The following TSR1 variants were observed in gnomAD, a reference collection of about 807,000 sequenced individuals.
The protein encoded by TSR1 is pre-rRNA-processing protein TSR1 homolog.
A neutral mutation model predicts 90.9 loss-of-function variants in TSR1; 81 were observed. The observed-to-expected ratio is 0.89, with a 90% CI of 0.74 to 1.07. TSR1 has a LOEUF of 1.07. Ranked by LOEUF, TSR1 falls within the 50% of genes least tolerant of loss-of-function variation. The probability of loss-of-function intolerance (pLI) is 0.00; values close to 1 mark genes in which losing one functional copy is unlikely to be tolerated. For synonymous variants in TSR1, 362 were observed against 348.8 expected, an observed-to-expected ratio of 1.04 and a Z score of -0.42; for missense variants, 989 against 987.3, an observed-to-expected ratio of 1.00 and a Z score of -0.02.
Position 2,332,952 on chromosome 17 carries a change from T to C in TSR1, c.1305+9A>G. On this transcript the variant is annotated intron_variant, in intron 7 of 14. Transcript: ENST00000301364. Reference sequence around the variant, plus strand: ...GACACAGAATTGGCCTAAGGCCTCATTTCCTTACCTGAGATTCCTCCTCCA... The same window carrying C: ...GACACAGAATTGGCCTAAGGCCTCACTTCCTTACCTGAGATTCCTCCTCCA... 1.2e-6 allele frequency: 2 copies of C among 1,612,506 alleles called. No homozygotes were observed. The highest frequency in any genetic ancestry group is 1.7e-6 in the Non-Finnish European group (2 of 1,178,930).
rs2064078293 is a variant in TSR1, at chr17:2,336,263, T to A, written c.97+68A>T. The A allele has an allele frequency of 3.1e-6, 5 of 1,607,674 alleles. No individual in the cohort carries two copies. The East Asian group carries it at 1.1e-4, about 36-fold the overall frequency. On this transcript the variant is annotated intron_variant, in intron 1 of 14. Transcript: ENST00000301364. ...GCCCAGACGGGAGACAGAAGCTCAG[T>A]CTGGGCATGAGGAAAAAGAGTTAAT...
Position 2,324,362 on chromosome 17 carries a change from T to C in TSR1, c.2249A>G (p.His750Arg). Residue 750 changes from histidine to arginine, a missense_variant, in exon 15 of 15, where the codon CAC becomes CGC. By Grantham distance (29) the His-to-Arg change is conservative. Transcript: ENST00000301364. The stretch of plus-strand genomic sequence containing the variant: ...CTTCCCATCAAAGCTGCATTTCATG[T>C]GGCCATGGGTACCTAGAAAGACATC... ...HIKEPLGTHG[H>R]MKCSFDGKLK... 6.4e-7 allele frequency: 1 copy of C among 1,564,616 alleles called. No individual in the cohort carries two copies. The highest frequency in any genetic ancestry group is 8.6e-7 in the Non-Finnish European group (1 of 1,158,852).
Position 2,333,046 on chromosome 17 carries a change from T to A in TSR1, c.1220A>T (p.Asp407Val). The change falls in exon 7 of 15, where the codon GAT (aspartate) becomes GTT (valine). Residue 407 changes from aspartate (D) to valine (V), a missense_variant. Asp to Val is a radical substitution (Grantham distance 152). Transcript: ENST00000301364. ...TSSYQAEWIL[D>V]GGSQSGGEGD... is the part of the protein sequence containing the mutation. ...TTCCCCACCACTTTGGCTGCCACCA[T>A]CCAAAATCCATTCAGCTTGGTAACT... 1 of 1,614,134 alleles carries A rather than the reference T, an allele frequency of 6.2e-7. No homozygotes were observed. The highest frequency in any genetic ancestry group is 8.5e-7 in the Non-Finnish European group (1 of 1,179,996).
chr17:2,331,089 A>C lies in TSR1; in HGVS notation c.1517T>G (p.Leu506Arg). Reference protein sequence around the residue: ...ARIRFQKYRGLKSFRTSPWDP... With the variant: ...ARIRFQKYRGRKSFRTSPWDP... Reference sequence around the variant, plus strand: ...CCATGGAGATGTCCGGAAGCTCTTAAGGCCTCTGTATTTCTGAAATCTAGA... The same window carrying C: ...CCATGGAGATGTCCGGAAGCTCTTACGGCCTCTGTATTTCTGAAATCTAGA... The change falls in exon 9 of 15, where the codon CTT (leucine) becomes CGT (arginine). Residue 506 changes from leucine (L) to arginine (R), a missense_variant. Transcript: ENST00000301364. 1.3e-6 allele frequency: 2 copies of C among 1,588,192 alleles called. No individual in the cohort carries two copies. Among genetic ancestry groups the C allele is most frequent in the Non-Finnish European group, 1.7e-6 (2 of 1,173,382 alleles).
chr17:2,323,991 G>T lies in TSR1; in HGVS notation c.*205C>A. On this transcript the variant is annotated 3_prime_UTR_variant, in exon 15 of 15. Coordinates refer to ENST00000301364, the MANE Select transcript of TSR1 (RefSeq NM_018128.5). The stretch of plus-strand genomic sequence containing the variant: ...TAATGGAGAGTGGCTATTTCATTAA[G>T]ATTTAATAGTTTTTTTTGGACTAAG... 1 of 1,158,762 alleles carries T rather than the reference G, an allele frequency of 8.6e-7. No homozygotes were observed. 71.8% of individuals were successfully genotyped at this position (1,158,762 alleles called of 1,614,324 possible). A position where few individuals can be genotyped will look rare whatever the true frequency, so the allele number is the denominator to read the frequency against.
intron 12 of TSR1, 28 bp downstream of exon 12, chr17:2,325,276 G>A (rs928722570): frequency 3.9e-6 from 6 of 1,533,452 alleles, no homozygotes; most frequent in Non-Finnish European, 5.4e-6. Context: ...GACCTGCAGG[G>A]TCTGTTCATC....
chr17:2,330,348 T>TA (rs2075597786), intron 10 of TSR1, 167 bp downstream of exon 10: 1 of 757,500 alleles, frequency 1.3e-6, no homozygotes, highest in South Asian at 1.4e-5. Flanking sequence ...ACGATATGAA[T>TA]AAAACCATCA....
chr17:2,335,946 G>A (rs1217815229), intron 2 of TSR1, 91 bp downstream of exon 2: 4 of 1,409,212 alleles, frequency 2.8e-6, no homozygotes, highest in Non-Finnish European at 4.0e-6. Context: ...TCTGTCCCTG[G>A]ACCCTCCTCC....
intron 10 of TSR1, 42 bp from the exon 11 acceptor site, chr17:2,329,517 G>C (rs758491167): frequency 1.2e-6 from 2 of 1,608,090 alleles, no homozygotes; most frequent in South Asian, 2.2e-5. Flanking sequence ...CATAGTCTAG[G>C]AATACAATTG....
In TSR1 at chr17:2,324,583, G is replaced by C. The variant is rs768144420; in HGVS notation, c.2162-5C>G. 5.0e-6 allele frequency: 8 copies of C among 1,613,880 alleles called. No homozygotes were observed. The highest frequency in any genetic ancestry group is 2.2e-5 in the South Asian group (2 of 91,080). ...GTTTAAACCACAGCACATCCTCTTA[G>C]AATCAAACACATTAAAGACCAAGAT... On this transcript the variant is annotated splice_polypyrimidine_tract_variant and splice_region_variant and intron_variant, in intron 13 of 14. Coordinates refer to ENST00000301364, the MANE Select transcript of TSR1 (RefSeq NM_018128.5).
Position 2,323,106 on chromosome 17 carries a change from GTTAAGAT to G in TSR1, c.*1083_*1089del. On this transcript the variant is annotated 3_prime_UTR_variant, in exon 15 of 15. Coordinates refer to ENST00000301364, the MANE Select transcript of TSR1 (RefSeq NM_018128.5). Reference sequence around the variant, plus strand: ...CATGCAGGCAATGTTGTGGTTTGTTGTTAAGATGTCTTAATATTCCTCTTCCCAGGCT... The same window carrying G: ...CATGCAGGCAATGTTGTGGTTTGTTGGTCTTAATATTCCTCTTCCCAGGCT... 6.2e-7 allele frequency: 1 copy of G among 1,609,696 alleles called. No individual in the cohort carries two copies. Among genetic ancestry groups the G allele is most frequent in the Non-Finnish European group, 8.5e-7 (1 of 1,176,070 alleles).
chr17:2,335,658 T>C lies in TSR1; in HGVS notation c.274A>G (p.Ser92Gly). ...ATGGCCTCTGGCAGGGAAATTCTGCTGTGCAGGGGCACCACCAGTACCTGA... is the reference window on the plus strand; with the variant it reads ...ATGGCCTCTGGCAGGGAAATTCTGCCGTGCAGGGGCACCACCAGTACCTGA... ...PHQVLVVPLH[S>G]RISLPEAMQL... Residue 92 changes from serine to glycine, a missense_variant, in exon 3 of 15, where the codon AGC becomes GGC. Coordinates refer to ENST00000301364, the MANE Select transcript of TSR1 (RefSeq NM_018128.5). 1 of 1,614,162 alleles carries C rather than the reference T, an allele frequency of 6.2e-7. No individual in the cohort carries two copies. Among genetic ancestry groups the C allele is most frequent in the Non-Finnish European group, 8.5e-7 (1 of 1,180,030 alleles).
rs1413668057 is a variant in TSR1 at position 2,329,531 on chromosome 17, A to G, written c.1771-56T>C. The G allele has an allele frequency of 6.3e-6, 10 of 1,597,124 alleles. No individual in the cohort carries two copies. In the South Asian group the frequency reaches 6.6e-5, roughly 11 times the overall value. On this transcript the variant is annotated intron_variant, in intron 10 of 14. Transcript: ENST00000301364. ...TCATAGTCTAGGAATACAATTGCCT[A>G]AACTGAAAGAAGGCAAACCAAACTA...
chr17:2,328,839 A>G (rs1321209959), intron 11 of TSR1, among the ~76,000 whole-genome samples: 5 of 138,722 alleles, frequency 3.6e-5, no homozygotes, highest in Admixed American at 1.5e-4. Context: ...TGGTGTAAGT[A>G]AACCTGAGAG....
chr17:2,323,237 T>G lies in TSR1; in HGVS notation c.*959A>C. On this transcript the variant is annotated 3_prime_UTR_variant, in exon 15 of 15. Coordinates refer to ENST00000301364, the MANE Select transcript of TSR1 (RefSeq NM_018128.5). ...GGAAACTGATGCCCAATCTTTATCC[T>G]CCAGAAACCATAGCAGATGGTGTCA... 6.2e-7 allele frequency: 1 copy of G among 1,614,212 alleles called. No homozygotes were observed. Among genetic ancestry groups the G allele is most frequent in the South Asian group, 1.1e-5 (1 of 91,088 alleles).
rs1198714189 is a variant in TSR1, at chr17:2,333,000, A to ATCATAT, written c.1260_1265dup (p.Glu420_Tyr421dup). On this transcript the variant is annotated inframe_insertion, in exon 7 of 15. Coordinates refer to ENST00000301364, the MANE Select transcript of TSR1 (RefSeq NM_018128.5). ...CCATAAAATCCTCATGTTCCATATCATCATATTCATATTCATCTCCTTCCC... is the reference window on the plus strand; with the variant it reads ...CCATAAAATCCTCATGTTCCATATCATCATATTCATATTCATATTCATCTCCTTCCC... 2.5e-6 allele frequency: 4 copies of ATCATAT among 1,614,070 alleles called. No homozygotes were observed. In the East Asian group the frequency reaches 6.7e-5, roughly 27 times the overall value.
rs1162899574 is a variant in TSR1, at chr17:2,323,366, G to C, written c.*830C>G. The C allele has an allele frequency of 6.2e-7, 1 of 1,613,466 alleles. No homozygotes were observed. Among genetic ancestry groups the C allele is most frequent in the South Asian group, 1.1e-5 (1 of 90,970 alleles). ...TTAAGGTGAGGCTCCAGCAAGAAAAGAAATAGCAAAGCATGGTGTAACTTC... is the reference window on the plus strand; with the variant it reads ...TTAAGGTGAGGCTCCAGCAAGAAAACAAATAGCAAAGCATGGTGTAACTTC... On this transcript the variant is annotated 3_prime_UTR_variant, in exon 15 of 15. Transcript: ENST00000301364.
At chr17:2,335,188 G>C in intron 4 of TSR1, 72 bp downstream of exon 4, 1 of 1,470,172 alleles carries the variant, frequency 6.8e-7, no homozygotes, top group Non-Finnish European at 9.3e-7. Context: ...TCCATCAGTT[G>C]TATTCCTGTA....
chr17:2,335,784 G>A lies in TSR1; in HGVS notation c.202-54C>T, dbSNP rs180819370. 5.1e-6 allele frequency: 8 copies of A among 1,559,604 alleles called. No individual in the cohort carries two copies. The African/African-American group carries it at 6.7e-5, about 13-fold the overall frequency. The stretch of plus-strand genomic sequence containing the variant: ...CTCAGTGTCTCAGTACTTCACTCCA[G>A]CATTGCATTTCCACTCCCACAGATG... On this transcript the variant is annotated intron_variant, in intron 2 of 14. Coordinates refer to ENST00000301364, the MANE Select transcript of TSR1 (RefSeq NM_018128.5).
Sources: allele counts gnomAD v4.1 joint callset (sites outside exome capture counted in the v4.1 genomes callset), GRCh38; gene constraint gnomAD v4.1.1; transcripts MANE v1.5; gene names NCBI Gene and HGNC (gene_info 2026-07-23, HGNC 2026-07-21).